Variants in CYB5A observed in about 807,000 individuals in gnomAD.
CYB5A encodes cytochrome b5 type A.
Under a neutral mutation model 16.2 loss-of-function variants are expected in CYB5A, and 10 were observed. The ratio of observed to expected loss-of-function variants is 0.62; its 90% CI spans 0.38 to 1.04. CYB5A has a LOEUF of 1.04. Ranked by LOEUF, CYB5A falls within the 50% of genes least tolerant of loss-of-function variation. The pLI, the probability that CYB5A is intolerant of heterozygous loss-of-function variation, is 0.01. For synonymous variants in CYB5A, 62 were observed against 57.0 expected (o/e 1.09, Z -0.40); for missense variants, 161 against 165.9 (o/e 0.97, Z 0.16).
chr18:74,287,033 C>T (rs530268302), intron 1 of CYB5A, among the ~76,000 whole-genome samples: 36 of 152,182 alleles, frequency 2.4e-4, no homozygotes, highest in Non-Finnish European at 3.5e-4. Flanking sequence ...AAAAGCCTCA[C>T]GGGTTCACAT....
chr18:74,289,484 G>C (rs1482779288), intron 1 of CYB5A, among the ~76,000 whole-genome samples: 1 of 152,098 alleles, frequency 6.6e-6, no homozygotes, highest in Admixed American at 6.5e-5. Flanking sequence ...GCTATAAATA[G>C]GGGAGGTAGG....
At chr18:74,270,861 A>G (rs1339927132) in intron 1 of CYB5A, among the ~76,000 whole-genome samples, 3 of 152,118 alleles carry the variant, frequency 2.0e-5, no homozygotes, top group Admixed American at 2.0e-4. Context: ...ATTTCATATC[A>G]ATTTGTTTCT....
intron 4 of CYB5A, among the ~76,000 whole-genome samples, chr18:74,254,540 T>G (rs1476180892): frequency 6.7e-6 from 1 of 149,626 alleles, no homozygotes; most frequent in Non-Finnish European, 1.5e-5. Context: ...TTTTTTTTGA[T>G]ACAGAGTCTT....
At chr18:74,263,322 A>G in intron 2 of CYB5A, 27 bp downstream of exon 2, 2 of 1,613,892 alleles carry the variant, frequency 1.2e-6, no homozygotes, top group Non-Finnish European at 1.7e-6. Flanking sequence ...AAATACAAAT[A>G]AGAAAGGGCC....
At chr18:74,291,535 C>A (rs928789626) in intron 1 of CYB5A, among the ~76,000 whole-genome samples, 2 of 139,598 alleles carry the variant, frequency 1.4e-5, no homozygotes, top group African/African-American at 5.5e-5. Flanking sequence ...CGCAGGTGTG[C>A]GGACTTGGGG....
intron 1 of CYB5A, among the ~76,000 whole-genome samples, chr18:74,274,574 C>T (rs1982794185): frequency 6.6e-6 from 1 of 152,182 alleles, no homozygotes; most frequent in Admixed American, 6.5e-5. Context: ...GTTACTTATT[C>T]AGAAGCTGGT....
chr18:74,254,601 G>A (rs12970539), intron 4 of CYB5A, among the ~76,000 whole-genome samples: 97,836 of 151,034 alleles, frequency 0.65, 32,389 homozygotes, highest in Middle Eastern at 0.76. Context: ...CTCACTGCAA[G>A]CTCCGCCTCC....
At chr18:74,282,614 G>A (rs1025758888) in intron 1 of CYB5A, among the ~76,000 whole-genome samples, 1 of 152,178 alleles carries the variant, frequency 6.6e-6, no homozygotes, top group Non-Finnish European at 1.5e-5. Context: ...GGCACAAAAC[G>A]GGATGGGACA....
chr18:74,284,351 C>T (rs1428831964), intron 1 of CYB5A, among the ~76,000 whole-genome samples: 4 of 152,088 alleles, frequency 2.6e-5, no homozygotes, highest in Admixed American at 1.3e-4. Context: ...ATTCAGCCAA[C>T]GTCCACTGCT....
At chr18:74,277,592 T>A (rs1489303348) in intron 1 of CYB5A, among the ~76,000 whole-genome samples, 1 of 152,120 alleles carries the variant, frequency 6.6e-6, no homozygotes, top group East Asian at 1.9e-4. Context: ...TGTAAACAGA[T>A]AGCTAAATGT....
At chr18:74,264,952 GA>G (rs34615416) in intron 1 of CYB5A, among the ~76,000 whole-genome samples, 141,670 of 150,736 alleles carry the variant, frequency 0.94, 67,028 homozygotes, top group East Asian at 1. Flanking sequence ...ACTTTTGTAG[GA>G]AAAAAAAAAA....
chr18:74,276,879 A>G (rs926722923), intron 1 of CYB5A, among the ~76,000 whole-genome samples: 6 of 152,182 alleles, frequency 3.9e-5, no homozygotes, highest in Non-Finnish European at 8.8e-5. Context: ...CATATAATTA[A>G]TTAGTAGACT....
chr18:74,256,897 T>C, intron 3 of CYB5A: 4 of 1,574,808 alleles, frequency 2.5e-6, no homozygotes, highest in Non-Finnish European at 3.5e-6. Context: ...AAAAATAAAA[T>C]TGCAAATTTA....
rs748597136 is a variant in CYB5A, at chr18:74,288,293, C to T, written c.129+3454G>A. 2.8e-4 allele frequency among the ~76,000 whole-genome samples: 42 copies of T among 152,266 alleles called. 1 individual carries two copies. The highest frequency in any genetic ancestry group is 9.6e-4 in the African/African-American group (40 of 41,546). On this transcript the variant is annotated intron_variant, in intron 1 of 4. Coordinates refer to ENST00000340533, the MANE Select transcript of CYB5A (RefSeq NM_148923.4). ...ACCACACACCTTCTCAACATGAACA[C>T]GGACATGCACATAAATCTAGGACAT...
chr18:74,261,249 G>A (rs1382132886), intron 2 of CYB5A: 1 of 373,664 alleles, frequency 2.7e-6, no homozygotes, highest in Non-Finnish European at 5.1e-6. Context: ...GTAATTCAGG[G>A]AGGAGCTGAA....
chr18:74,263,713 C>T (rs538035974), intron 1 of CYB5A, among the ~76,000 whole-genome samples: 9 of 152,200 alleles, frequency 5.9e-5, no homozygotes, highest in Admixed American at 2.0e-4. Context: ...TCAAAGCCAA[C>T]CTGGGCAACA....
chr18:74,288,966 C>T (rs955468776), intron 1 of CYB5A, among the ~76,000 whole-genome samples: 1 of 152,184 alleles, frequency 6.6e-6, no homozygotes, highest in African/African-American at 2.4e-5. Context: ...CCCAGAACCA[C>T]ATGTTGGCAG....
At position 74,263,409 on chromosome 18, in the gene CYB5A, G is replaced by T. The variant is rs748438349; in HGVS notation, c.198C>A (p.Val66=). ...TTTCCCTGGCATCTGTAGAGTGCCCGACATCCTCAAAGTTCTCAGTAGCGT... is the reference window on the plus strand; with the variant it reads ...TTTCCCTGGCATCTGTAGAGTGCCCTACATCCTCAAAGTTCTCAGTAGCGT... The part of the protein sequence containing the change: ...GGDATENFED[V]GHSTDAREMS... The change falls in exon 2 of 5, where the codon GTC becomes GTA. Residue 66 remains valine (V), a synonymous_variant. Coordinates refer to ENST00000340533, the MANE Select transcript of CYB5A (RefSeq NM_148923.4). The T allele has an allele frequency of 5.0e-6, 8 of 1,614,076 alleles. No individual in the cohort carries two copies. Among genetic ancestry groups the T allele is most frequent in the Non-Finnish European group, 6.8e-6 (8 of 1,180,004 alleles).
intron 1 of CYB5A, among the ~76,000 whole-genome samples, chr18:74,285,634 G>C (rs184169325): frequency 8.1e-4 from 123 of 152,022 alleles, no homozygotes; most frequent in Admixed American, 2.2e-3. Flanking sequence ...GAGGCCAAAG[G>C]GGGCAGATCA....
Sources: allele counts gnomAD v4.1 joint callset (sites outside exome capture counted in the v4.1 genomes callset), GRCh38; gene constraint gnomAD v4.1.1; transcripts MANE v1.5; gene names NCBI Gene and HGNC (gene_info 2026-07-23, HGNC 2026-07-21).